NAV2: variants seen among roughly 807,000 people sequenced by gnomAD.
NAV2 encodes the protein neuron navigator 2, also known as helicase, APC down-regulated 1.
In NAV2, 54 loss-of-function variants were observed where a neutral mutation model predicts 223.2. That is an observed-to-expected ratio of 0.24 (90% confidence interval 0.19 to 0.30). The LOEUF is 0.30. NAV2 is among the 10% of genes least tolerant of loss of function. The pLI, the probability that NAV2 is intolerant of heterozygous loss-of-function variation, is 1.00. For synonymous variants in NAV2, 1,279 were observed against 1,239.3 expected (o/e 1.03, Z -0.67); for missense variants, 2,806 against 3,147.5 (o/e 0.89, Z 2.60).
At position 20,045,159 on chromosome 11, in the gene NAV2, G is replaced by A. The variant is rs146880326; in HGVS notation, c.3391G>A (p.Gly1131Ser). ...GFKKQSGSAAGLAMITASGVT... is the reference protein window; with the variant it reads ...GFKKQSGSAASLAMITASGVT... The stretch of plus-strand genomic sequence containing the variant: ...CAAGAAGCAGAGTGGTTCCGCCGCC[G>A]GCCTGGCCATGATCACAGCCAGCGG... Residue 1131 changes from glycine to serine, a missense_variant, in exon 14 of 38, where the codon GGC becomes AGC. Transcript: ENST00000349880. 5.4e-4 allele frequency: 870 copies of A among 1,614,124 alleles called. 5 individuals carry two copies. In the African/African-American group the frequency reaches 8.3e-3, roughly 15 times the overall value.
At chr11:19,802,592 T>C (rs570608003) in intron 1 of NAV2, among the ~76,000 whole-genome samples, 8 of 151,818 alleles carry the variant, frequency 5.3e-5, no homozygotes, top group Admixed American at 3.9e-4. Flanking sequence ...CCAGTATTGG[T>C]TAAGAATAGT....
intron 10 of NAV2, among the ~76,000 whole-genome samples, chr11:19,954,279 C>T (rs1237222707): frequency 6.6e-6 from 1 of 152,190 alleles, no homozygotes; most frequent in Non-Finnish European, 1.5e-5. Flanking sequence ...TGGTCTTCCA[C>T]AGTGGCTTTT....
chr11:19,731,222 TAC>T (rs1455413034), intron 1 of NAV2, among the ~76,000 whole-genome samples: 8 of 152,186 alleles, frequency 5.3e-5, no homozygotes, highest in African/African-American at 1.9e-4. Context: ...CCATTTCCTG[TAC>T]ATAAAATGCT....
At chr11:19,553,703 C>T (rs889098625) in intron 1 of NAV2, among the ~76,000 whole-genome samples, 1 of 152,234 alleles carries the variant, frequency 6.6e-6, no homozygotes, top group Admixed American at 6.5e-5. Flanking sequence ...TGCAAATATG[C>T]CTTGGCATTG....
chr11:19,553,384 A>G (rs2044752607), intron 1 of NAV2, among the ~76,000 whole-genome samples: 1 of 152,196 alleles, frequency 6.6e-6, no homozygotes, highest in African/African-American at 2.4e-5. Context: ...GGTTCTTCCC[A>G]GCTCATTTTG....
chr11:20,066,984 A>C (rs2059085395), intron 20 of NAV2, among the ~76,000 whole-genome samples: 1 of 152,174 alleles, frequency 6.6e-6, no homozygotes, highest in Non-Finnish European at 1.5e-5. Flanking sequence ...TTCCTCCTGC[A>C]GCAGGCTCCC....
At chr11:19,599,183 A>C (rs1192905407) in intron 1 of NAV2, among the ~76,000 whole-genome samples, 1 of 152,006 alleles carries the variant, frequency 6.6e-6, no homozygotes, top group Non-Finnish European at 1.5e-5. Flanking sequence ...CTCATGCCCA[A>C]CTTGTCAAGG....
rs920632306 is a variant in NAV2 at position 20,020,435 on chromosome 11, A to G, written c.2769-15524A>G. 7.2e-5 allele frequency among the ~76,000 whole-genome samples: 11 copies of G among 152,356 alleles called. No individual in the cohort carries two copies. In the East Asian group the frequency reaches 1.9e-3, roughly 27 times the overall value. On this transcript the variant is annotated intron_variant, in intron 11 of 37. Transcript: ENST00000349880. ...TGGCTCTTGAAAAGCGCCAAAGGGC[A>G]TCTGCCCTCATGGAGTTGGTTTACT...
At chr11:19,360,954 A>G (rs1853901673) in intron 1 of NAV2, among the ~76,000 whole-genome samples, 2 of 152,170 alleles carry the variant, frequency 1.3e-5, no homozygotes, top group Admixed American at 6.5e-5. Flanking sequence ...GGAGTTCTTG[A>G]CAATGGAAAA....
intron 1 of NAV2, among the ~76,000 whole-genome samples, chr11:19,447,535 G>C (rs1016276256): frequency 6.6e-6 from 1 of 152,178 alleles, no homozygotes; most frequent in African/African-American, 2.4e-5. Flanking sequence ...AGAGGTTTGG[G>C]GGAAGGCGAG....
chr11:19,404,143 G>T (rs925635167), intron 1 of NAV2, among the ~76,000 whole-genome samples: 1 of 152,160 alleles, frequency 6.6e-6, no homozygotes, highest in African/African-American at 2.4e-5. Context: ...GAGGTTGGGA[G>T]CCCAATTGCT....
chr11:19,456,044 T>G (rs1184179485), intron 1 of NAV2, among the ~76,000 whole-genome samples: 1 of 152,206 alleles, frequency 6.6e-6, no homozygotes, highest in Admixed American at 6.5e-5. Flanking sequence ...TAGCTTCTTC[T>G]GCTATTCAGG....
chr11:19,988,864 G>A lies in NAV2; in HGVS notation c.2768+4617G>A, dbSNP rs148587144. 5.3e-3 allele frequency among the ~76,000 whole-genome samples: 811 copies of A among 152,294 alleles called. 7 individuals are homozygous for A. Among genetic ancestry groups the A allele is most frequent in the Non-Finnish European group, 5.6e-3 (384 of 68,024 alleles). On this transcript the variant is annotated intron_variant, in intron 11 of 37. Coordinates refer to ENST00000349880, the MANE Select transcript of NAV2 (RefSeq NM_145117.5). ...GGCTTTGTGATTCATATGGAACAAA[G>A]CAGGCCTCCTGGCACCAAGCAGTGC...
chr11:19,667,761 C>A (rs2048456347), intron 1 of NAV2, among the ~76,000 whole-genome samples: 1 of 152,142 alleles, frequency 6.6e-6, no homozygotes, highest in Non-Finnish European at 1.5e-5. Flanking sequence ...AAGCACACAG[C>A]TAGTAAAGCA....
intron 1 of NAV2, among the ~76,000 whole-genome samples, chr11:19,620,649 C>T (rs185401797): frequency 2.0e-5 from 3 of 152,260 alleles, no homozygotes; most frequent in African/African-American, 4.8e-5. Context: ...ATCAGCTTAA[C>T]GAGATTTAGG....
At chr11:20,021,229 G>A (rs1005010670) in intron 11 of NAV2, among the ~76,000 whole-genome samples, 3 of 152,186 alleles carry the variant, frequency 2.0e-5, no homozygotes, top group Non-Finnish European at 4.4e-5. Flanking sequence ...TTCCATTAGA[G>A]TTGAGATTTT....
intron 17 of NAV2, among the ~76,000 whole-genome samples, chr11:20,052,944 C>T (rs1244143539): frequency 2.6e-5 from 4 of 152,180 alleles, no homozygotes; most frequent in East Asian, 3.9e-4. Context: ...AGGCCAGGTG[C>T]GGTGGCTCAT....
Position 19,976,983 on chromosome 11 carries a change from C to T in NAV2, c.2646-7142C>T, listed in dbSNP as rs546790293. 3.9e-5 allele frequency among the ~76,000 whole-genome samples: 6 copies of T among 152,278 alleles called. No homozygotes were observed. In the South Asian group the frequency reaches 8.3e-4, roughly 21 times the overall value. Reference sequence around the variant, plus strand: ...CCAAATCCTCCTAAAAAGAACAAGTCGCTATCAACTTGGTGACATCCTGAA... The same window carrying T: ...CCAAATCCTCCTAAAAAGAACAAGTTGCTATCAACTTGGTGACATCCTGAA... On this transcript the variant is annotated intron_variant, in intron 10 of 37. Coordinates refer to ENST00000349880, the MANE Select transcript of NAV2 (RefSeq NM_145117.5).
intron 1 of NAV2, among the ~76,000 whole-genome samples, chr11:19,365,860 A>G (rs746736411): frequency 6.6e-6 from 1 of 152,248 alleles, no homozygotes; most frequent in Admixed American, 6.5e-5. Context: ...ATAAGTGTTT[A>G]TCTTCTTAGA....
Sources: allele counts gnomAD v4.1 joint callset (sites outside exome capture counted in the v4.1 genomes callset), GRCh38; gene constraint gnomAD v4.1.1; transcripts MANE v1.5; gene names NCBI Gene and HGNC (gene_info 2026-07-23, HGNC 2026-07-21).